PDE10A: variants seen among roughly 807,000 people sequenced by gnomAD.
PDE10A encodes the protein phosphodiesterase 10A.
In PDE10A, 39 loss-of-function variants were observed where a neutral mutation model predicts 97.7. The observed-to-expected ratio is 0.40, with a 90% CI of 0.31 to 0.52. PDE10A has a LOEUF of 0.52. Ranked by LOEUF, PDE10A falls within the 20% of genes least tolerant of loss-of-function variation. PDE10A has a pLI of 0.56. For synonymous variants in PDE10A, 371 were observed against 376.8 expected (o/e 0.98, Z 0.18); for missense variants, 731 against 1,047.8 (o/e 0.70, Z 4.17).
At chr6:165,725,373 C>T (rs912124518) in intron 1 of PDE10A, among the ~76,000 whole-genome samples, 1 of 152,224 alleles carries the variant, frequency 6.6e-6, no homozygotes, top group Non-Finnish European at 1.5e-5. Context: ...AAGCTGTACA[C>T]ACTCAACCCT....
intron 1 of PDE10A, among the ~76,000 whole-genome samples, chr6:165,867,566 C>T (rs993281102): frequency 1.3e-5 from 2 of 151,924 alleles, no homozygotes; most frequent in African/African-American, 4.8e-5. Flanking sequence ...AAGTAGACCC[C>T]AATACAATAA....
chr6:165,562,104 C>T (rs565548862), intron 1 of PDE10A, among the ~76,000 whole-genome samples: 3 of 152,188 alleles, frequency 2.0e-5, no homozygotes, highest in South Asian at 4.1e-4. Flanking sequence ...GAAATGAAAG[C>T]ATCTTCCTTG....
intron 1 of PDE10A, among the ~76,000 whole-genome samples, chr6:165,820,127 AT>A (rs1437285613): frequency 6.6e-6 from 1 of 152,264 alleles, no homozygotes; most frequent in East Asian, 1.9e-4. Context: ...AAAATAGGTT[AT>A]AAGATGCTGT....
At chr6:165,493,302 C>T (rs903629529) in intron 2 of PDE10A, among the ~76,000 whole-genome samples, 5 of 151,980 alleles carry the variant, frequency 3.3e-5, no homozygotes, top group Non-Finnish European at 5.9e-5. Context: ...ATCAAAATAC[C>T]ACCATCATTC....
intron 1 of PDE10A, among the ~76,000 whole-genome samples, chr6:165,738,014 A>ATTTTATT (rs71552889): frequency 6.6e-6 from 1 of 151,474 alleles, no homozygotes. Flanking sequence ...ATTTTATTTT[A>ATTTTATT]TTTTTTTATT....
intron 1 of PDE10A, among the ~76,000 whole-genome samples, chr6:165,835,188 T>G (rs1432164861): frequency 6.6e-6 from 1 of 152,222 alleles, no homozygotes; most frequent in Non-Finnish European, 1.5e-5. Context: ...GTAACTCCCA[T>G]ACCTCCAGCC....
intron 1 of PDE10A, among the ~76,000 whole-genome samples, chr6:165,761,697 A>G (rs975099094): frequency 1.3e-5 from 2 of 152,190 alleles, no homozygotes; most frequent in Non-Finnish European, 2.9e-5. Flanking sequence ...TGCAAATAAT[A>G]CAAATTGCAA....
chr6:165,375,839 T>G (rs1057218803), intron 18 of PDE10A, among the ~76,000 whole-genome samples: 1 of 152,208 alleles, frequency 6.6e-6, no homozygotes, highest in Non-Finnish European at 1.5e-5. Flanking sequence ...GCTCTATAAA[T>G]GGAACAACAA....
intron 1 of PDE10A, among the ~76,000 whole-genome samples, chr6:165,839,908 A>T (rs796074282): frequency 9.9e-3 from 114 of 11,500 alleles, no homozygotes; most frequent in Middle Eastern, 0.05. Flanking sequence ...CCCATCTCCA[A>T]CTCCATCCCC....
intron 1 of PDE10A, among the ~76,000 whole-genome samples, chr6:165,631,511 G>A (rs552743676): frequency 9.9e-5 from 15 of 152,282 alleles, no homozygotes; most frequent in African/African-American, 3.6e-4. Context: ...AAAGTAAACT[G>A]TAATCAGTGA....
chr6:165,561,464 C>T (rs1784519985), intron 1 of PDE10A, among the ~76,000 whole-genome samples: 1 of 152,076 alleles, frequency 6.6e-6, no homozygotes, highest in African/African-American at 2.4e-5. Context: ...CAGTTCAATG[C>T]AAAACTGAAC....
At chr6:165,544,872 A>C (rs1407906209) in intron 1 of PDE10A, among the ~76,000 whole-genome samples, 1 of 151,974 alleles carries the variant, frequency 6.6e-6, no homozygotes, top group Non-Finnish European at 1.5e-5. Flanking sequence ...TGTATAAGAC[A>C]AATGAAAATA....
intron 3 of PDE10A, among the ~76,000 whole-genome samples, chr6:165,457,925 A>C (rs752233164): frequency 2.0e-5 from 3 of 152,212 alleles, no homozygotes; most frequent in Non-Finnish European, 4.4e-5. Flanking sequence ...AATCACATGG[A>C]AACTGTGACC....
chr6:165,795,597 C>CAAAA (rs1186982980), intron 1 of PDE10A, among the ~76,000 whole-genome samples: 3 of 151,872 alleles, frequency 2.0e-5, no homozygotes, highest in Non-Finnish European at 2.9e-5. Context: ...AACAAACAAA[C>CAAAA]AAAAAAACCA....
chr6:165,663,444 G>C (rs1790399323), upstream of PDE10A, among the ~76,000 whole-genome samples: 1 of 152,168 alleles, frequency 6.6e-6, no homozygotes, highest in African/African-American at 2.4e-5. Flanking sequence ...CCGGTGTTTC[G>C]GATTCTAAAT....
At chr6:165,875,440 G>C (rs1419039909) in intron 1 of PDE10A, among the ~76,000 whole-genome samples, 2 of 152,126 alleles carry the variant, frequency 1.3e-5, no homozygotes, top group South Asian at 4.2e-4. Context: ...TTTACGCAGG[G>C]GCATTTAATA....
intron 18 of PDE10A, among the ~76,000 whole-genome samples, chr6:165,345,848 T>C (rs1275715292): frequency 1.3e-5 from 2 of 152,252 alleles, no homozygotes; most frequent in African/African-American, 4.8e-5. Flanking sequence ...GTCAAAACTT[T>C]CATGAAGCAA....
At chr6:165,376,359 G>A (rs1194404338) in intron 18 of PDE10A, among the ~76,000 whole-genome samples, 1 of 152,228 alleles carries the variant, frequency 6.6e-6, no homozygotes, top group East Asian at 1.9e-4. Flanking sequence ...TTATGAATGA[G>A]CCAAGAAAGT....
At chr6:165,948,067 A>ATACATATATG (rs1308962392) in intron 1 of PDE10A, among the ~76,000 whole-genome samples, 1 of 151,584 alleles carries the variant, frequency 6.6e-6, no homozygotes, top group Non-Finnish European at 1.5e-5. Context: ...TCATATACAT[A>ATACATATATG]TACATATATG....
Sources: gnomAD v4.1 joint callset for allele counts (sites outside exome capture counted in the v4.1 genomes callset) on GRCh38, gnomAD v4.1.1 for gene constraint, MANE v1.5 for transcripts, NCBI Gene and HGNC (gene_info 2026-07-23, HGNC 2026-07-21) for gene names.